Variants in RASGEF1C observed in about 807,000 individuals in gnomAD.
The protein encoded by RASGEF1C is ras-GEF domain-containing family member 1C.
Under a neutral mutation model 58.1 loss-of-function variants are expected in RASGEF1C, and 27 were observed. The ratio of observed to expected loss-of-function variants is 0.46; its 90% CI spans 0.34 to 0.64. The LOEUF (loss-of-function observed/expected upper bound fraction) is 0.64. Among genes scored for constraint, RASGEF1C ranks in the 30% least tolerant of loss-of-function variants. The pLI is 0.01. For missense variants in RASGEF1C, 502 were observed against 605.1 expected, an observed-to-expected ratio of 0.83 and a Z score of 1.79; for synonymous variants, 243 against 246.3, an observed-to-expected ratio of 0.99 and a Z score of 0.13.
chr5:180,206,367 T>C (rs1246489085), intron 1 of RASGEF1C, among the ~76,000 whole-genome samples: 1 of 152,218 alleles, frequency 6.6e-6, no homozygotes, highest in Non-Finnish European at 1.5e-5. Flanking sequence ...TCCAAATCTA[T>C]GTGAAAAGAT....
intron 11 of RASGEF1C, among the ~76,000 whole-genome samples, chr5:180,112,969 TGGACGGAGGGAC>T (rs1765986932): frequency 1.4e-5 from 2 of 139,750 alleles, no homozygotes; most frequent in African/African-American, 5.4e-5. Flanking sequence ...GGACCGGGGA[TGGACGGAGGGAC>T]CGGGGATGGA....
At chr5:180,187,001 A>G (rs1387190525) in intron 1 of RASGEF1C, among the ~76,000 whole-genome samples, 1 of 152,218 alleles carries the variant, frequency 6.6e-6, no homozygotes, top group Non-Finnish European at 1.5e-5. Flanking sequence ...CTTAAAATAC[A>G]TATGGAATTG....
chr5:180,102,760 C>A (rs962663530), intron 12 of RASGEF1C, among the ~76,000 whole-genome samples: 6 of 150,672 alleles, frequency 4.0e-5, no homozygotes. Flanking sequence ...TTGATTCATG[C>A]GTCCATCCCT....
intron 3 of RASGEF1C, chr5:180,136,798 G>A (rs1766487148): frequency 2.1e-6 from 1 of 470,752 alleles, no homozygotes; most frequent in South Asian, 2.7e-5. Flanking sequence ...GGAGTCCTCA[G>A]AGCAGGGGAC....
In RASGEF1C at chr5:180,177,976, T is replaced by TC. The variant is rs1266177035; in HGVS notation, c.-7+31051_-7+31052insG. 6.6e-6 allele frequency among the ~76,000 whole-genome samples: 1 copy of TC among 151,730 alleles called. No individual in the cohort carries two copies. The highest frequency in any genetic ancestry group is 1.5e-5 in the Non-Finnish European group (1 of 67,916). On this transcript the variant is annotated intron_variant, in intron 1 of 13. Coordinates refer to ENST00000361132, the MANE Select transcript of RASGEF1C (RefSeq NM_175062.4). The surrounding 1 kb of genome is among the most constrained non-coding windows in gnomAD (Gnocchi z 5.0). ...AAGCCCACCTTGGGCTTTTTTTTTT[T>TC]TTCTTTTTGAGGTGGAGTCTCGCTC...
chr5:180,169,616 T>C (rs898267585), intron 1 of RASGEF1C, among the ~76,000 whole-genome samples: 17 of 150,810 alleles, frequency 1.1e-4, no homozygotes, highest in Non-Finnish European at 7.4e-5. Flanking sequence ...GGGGGCGGGC[T>C]CCTCACTGAG....
intron 1 of RASGEF1C, among the ~76,000 whole-genome samples, chr5:180,169,832 C>A (rs1479384759): frequency 6.6e-6 from 1 of 150,984 alleles, no homozygotes; most frequent in Non-Finnish European, 1.5e-5. Context: ...GGCCCAGCCT[C>A]AGTTCTCCCC....
In RASGEF1C at chr5:180,137,289, G is replaced by A. The variant is rs547979833; in HGVS notation, c.300+301C>T. 1.5e-3 allele frequency among the ~76,000 whole-genome samples: 226 copies of A among 152,300 alleles called. No individual in the cohort carries two copies. Among genetic ancestry groups the A allele is most frequent in the African/African-American group, 5.2e-3 (215 of 41,584 alleles). ...GGAGCGGATGTGCTGGGGGAAGGAA[G>A]CCCACCAGAGGCAGCAGGCCCTCCC... On this transcript the variant is annotated intron_variant, in intron 3 of 13. Transcript: ENST00000361132. The surrounding 1 kb of genome is among the most constrained non-coding windows in gnomAD (Gnocchi z 4.1).
chr5:180,184,059 G>A (rs936692761), intron 1 of RASGEF1C, among the ~76,000 whole-genome samples: 2 of 151,738 alleles, frequency 1.3e-5, no homozygotes, highest in Non-Finnish European at 2.9e-5. Flanking sequence ...AGCTACTCAG[G>A]AGGCTGAGGC....
chr5:180,118,583 C>T (rs773614037), intron 10 of RASGEF1C, 26 bp downstream of exon 10: 16 of 1,578,746 alleles, frequency 1.0e-5, no homozygotes, highest in African/African-American at 1.4e-5. Context: ...CTGCAGCCCC[C>T]CTGGGCCAAC....
chr5:180,113,335 G>T (rs1766000788), intron 11 of RASGEF1C, among the ~76,000 whole-genome samples: 1 of 46,576 alleles, frequency 2.1e-5, no homozygotes. Context: ...GGGGATGGAC[G>T]GAGGGACCGG....
At chr5:180,129,377 C>T (rs1289798158) in intron 4 of RASGEF1C, among the ~76,000 whole-genome samples, 1 of 152,158 alleles carries the variant, frequency 6.6e-6, no homozygotes. Context: ...ACGTCCTGTC[C>T]CATTCCTCCC....
intron 1 of RASGEF1C, among the ~76,000 whole-genome samples, chr5:180,150,351 G>T (rs35628771): frequency 0.1 from 15,446 of 152,134 alleles, 1,099 homozygotes; most frequent in East Asian, 0.27. Context: ...TGTCTAATAA[G>T]TCTGTCATGT....
intron 1 of RASGEF1C, among the ~76,000 whole-genome samples, chr5:180,152,111 A>G (rs1766754556): frequency 1.3e-5 from 2 of 151,596 alleles, no homozygotes; most frequent in Admixed American, 6.6e-5. Context: ...ACACTTTTAC[A>G]CTGTTGGTGG....
At chr5:180,147,091 G>T (rs1401356061) in intron 1 of RASGEF1C, among the ~76,000 whole-genome samples, 1 of 151,548 alleles carries the variant, frequency 6.6e-6, no homozygotes, top group Non-Finnish European at 1.5e-5. Flanking sequence ...CAATTTGTTG[G>T]CATATAATTT....
At chr5:180,174,979 C>T (rs1055836924) in intron 1 of RASGEF1C, among the ~76,000 whole-genome samples, 3 of 152,132 alleles carry the variant, frequency 2.0e-5, no homozygotes, top group African/African-American at 7.2e-5. Context: ...TTTAGGGTTG[C>T]CAGGCACAGG....
intron 1 of RASGEF1C, among the ~76,000 whole-genome samples, chr5:180,200,306 C>A (rs1465058042): frequency 6.2e-5 from 2 of 32,514 alleles, no homozygotes; most frequent in Admixed American, 5.2e-4. Flanking sequence ...AAGAGTACAT[C>A]ATTCTTTTTT....
At chr5:180,191,310 A>G (rs906398793) in intron 1 of RASGEF1C, among the ~76,000 whole-genome samples, 2 of 152,236 alleles carry the variant, frequency 1.3e-5, no homozygotes, top group African/African-American at 4.8e-5. Flanking sequence ...AAAAATGAAC[A>G]CATGTCCACA....
chr5:180,115,152 T>C (rs1045710895), intron 10 of RASGEF1C: 2 of 311,142 alleles, frequency 6.4e-6, no homozygotes, highest in Admixed American at 3.9e-5. Flanking sequence ...GTAGCTGGGA[T>C]TACAGGCACC....
Sources: gnomAD v4.1 joint callset for allele counts (sites outside exome capture counted in the v4.1 genomes callset) on GRCh38, gnomAD v4.1.1 for gene constraint, Gnocchi (gnomAD v3.1) non-coding constraint, MANE v1.5 for transcripts, NCBI Gene and HGNC (gene_info 2026-07-23, HGNC 2026-07-21) for gene names.